SNAP29: variants seen among roughly 807,000 people sequenced by gnomAD.
SNAP29 encodes the protein synaptosomal-associated protein 29.
A neutral mutation model predicts 27.9 loss-of-function variants in SNAP29; 13 were observed. That is an observed-to-expected ratio of 0.47 (90% CI 0.30 to 0.74). The LOEUF (loss-of-function observed/expected upper bound fraction) is 0.74, where lower values mean the gene tolerates loss of function less well. Ranked by LOEUF, SNAP29 falls within the 30% of genes least tolerant of loss-of-function variation. SNAP29 has a pLI of 0.06. For missense variants in SNAP29, 368 were observed against 336.5 expected (o/e 1.09, Z -0.73); for synonymous variants, 119 against 127.1 (o/e 0.94, Z 0.43).
intron 1 of SNAP29, among the ~76,000 whole-genome samples, chr22:20,861,887 C>CCT (rs1301334779): frequency 6.6e-6 from 1 of 152,212 alleles, no homozygotes; most frequent in African/African-American, 2.4e-5. Context: ...CCTGCCTTGG[C>CCT]CTCCCAAAGT....
intron 2 of SNAP29, among the ~76,000 whole-genome samples, chr22:20,874,394 C>T (rs978281500): frequency 2.7e-5 from 3 of 111,626 alleles, no homozygotes; most frequent in African/African-American, 1.0e-4. Flanking sequence ...CACACACACA[C>T]ACGAAAATTA....
At chr22:20,867,834 C>G (rs1928496510) in intron 1 of SNAP29, among the ~76,000 whole-genome samples, 1 of 152,152 alleles carries the variant, frequency 6.6e-6, no homozygotes, top group Admixed American at 6.5e-5. Flanking sequence ...GGTAGCTCTC[C>G]AAATTGAGAT....
rs1457924247 is a variant in SNAP29, at chr22:20,865,478, C to T, written c.238-4859C>T. ...CTGGCTTCTCCTTCCTGGGCACATC[C>T]ACTCACAGCTGCCACATTGTCCCAA... On this transcript the variant is annotated intron_variant, in intron 1 of 4. Coordinates refer to ENST00000215730, the MANE Select transcript of SNAP29 (RefSeq NM_004782.4). Among the ~76,000 whole-genome samples the T allele has an allele frequency of 2.0e-5, 3 of 152,198 alleles. No homozygotes were observed. In the East Asian group the frequency reaches 5.8e-4, roughly 29 times the overall value.
At chr22:20,865,609 G>A (rs1245568287) in intron 1 of SNAP29, among the ~76,000 whole-genome samples, 1 of 152,198 alleles carries the variant, frequency 6.6e-6, no homozygotes, top group East Asian at 1.9e-4. Flanking sequence ...AGTGTTGTAG[G>A]GAGGTGTTTG....
chr22:20,874,371 A>AATTAGC (rs1928686388), intron 2 of SNAP29, among the ~76,000 whole-genome samples: 1 of 137,996 alleles, frequency 7.2e-6, no homozygotes, highest in African/African-American at 2.8e-5. Flanking sequence ...ACACACACAC[A>AATTAGC]CACACACACA....
intron 1 of SNAP29, among the ~76,000 whole-genome samples, chr22:20,859,940 G>C (rs1468490292): frequency 6.6e-6 from 1 of 152,050 alleles, no homozygotes; most frequent in Non-Finnish European, 1.5e-5. Flanking sequence ...TTGAGTCCAG[G>C]GTCTTACCTT....
rs529315048 is a variant in SNAP29 at position 20,878,136 on chromosome 22, A to G, written c.435-2913A>G. On this transcript the variant is annotated intron_variant, in intron 2 of 4. Coordinates refer to ENST00000215730, the MANE Select transcript of SNAP29 (RefSeq NM_004782.4). ...GAGTCATTAAAGACTTTAACTGAAGAGGTGCTTGCCAGTATTGCTTTAGAA... is the reference window on the plus strand; with the variant it reads ...GAGTCATTAAAGACTTTAACTGAAGGGGTGCTTGCCAGTATTGCTTTAGAA... Among the ~76,000 whole-genome samples the G allele has an allele frequency of 2.0e-5, 3 of 152,342 alleles. No individual in the cohort carries two copies. In the East Asian group the frequency reaches 5.8e-4, roughly 29 times the overall value.
chr22:20,871,482 T>TTAAAAAAAAAA (rs1928590128), intron 2 of SNAP29, among the ~76,000 whole-genome samples: 18 of 64,156 alleles, frequency 2.8e-4, no homozygotes, highest in African/African-American at 1.1e-3. Context: ...TCCCTGTCTC[T>TTAAAAAAAAAA]AAAAAAAAAA....
chr22:20,885,018 G>A lies in SNAP29; in HGVS notation c.619+1449G>A, dbSNP rs139812147. Among the ~76,000 whole-genome samples, 1,167 of 152,198 alleles carry A rather than the reference G, an allele frequency of 7.7e-3. 11 individuals carry two copies. Among genetic ancestry groups the A allele is most frequent in the East Asian group, 0.055 (284 of 5,176 alleles). On this transcript the variant is annotated intron_variant, in intron 4 of 4. Coordinates refer to ENST00000215730, the MANE Select transcript of SNAP29 (RefSeq NM_004782.4). ...TCGAACTCCCGACCTCAGGTGACCC[G>A]CCTGTCTCGGCCTCCCAAAGTGCTG...
At chr22:20,883,686 C>A in intron 4 of SNAP29, 117 bp downstream of exon 4, 1 of 741,130 alleles carries the variant, frequency 1.3e-6, no homozygotes. Flanking sequence ...ACATCACATC[C>A]CACGCCAAGC....
chr22:20,877,321 C>G (rs1323212905), intron 2 of SNAP29, among the ~76,000 whole-genome samples: 2 of 152,052 alleles, frequency 1.3e-5, no homozygotes, highest in African/African-American at 4.8e-5. Flanking sequence ...CTTTGGGAGG[C>G]CAAGGAGGGT....
chr22:20,860,094 GT>G (rs1361025800), intron 1 of SNAP29, among the ~76,000 whole-genome samples: 2 of 151,914 alleles, frequency 1.3e-5, no homozygotes, highest in African/African-American at 4.8e-5. Flanking sequence ...ACTCACGCCT[GT>G]AATCCCAGCA....
chr22:20,887,926 G>A lies in SNAP29; in HGVS notation c.*90G>A. 4.1e-6 allele frequency: 5 copies of A among 1,232,604 alleles called. No individual in the cohort carries two copies. The highest frequency in any genetic ancestry group is 1.5e-5 in the African/African-American group (1 of 66,734). The allele number at this position is 1,232,604 out of a possible 1,614,324, so 76.4% of individuals were successfully genotyped here. ...GAAATTTCATTTACTATTTTAGTAT[G>A]TAAATTAATGTGTGTTTGCAAATGT... On this transcript the variant is annotated 3_prime_UTR_variant, in exon 5 of 5. Transcript: ENST00000215730.
intron 2 of SNAP29, among the ~76,000 whole-genome samples, chr22:20,874,317 GACACACACAC>G (rs368789277): frequency 8.5e-6 from 1 of 118,116 alleles, no homozygotes; most frequent in South Asian, 2.7e-4. Context: ...GACACACACA[GACACACACAC>G]ACACACACAC....
At chr22:20,874,818 A>G (rs6004713) in intron 2 of SNAP29, among the ~76,000 whole-genome samples, 11 of 152,078 alleles carry the variant, frequency 7.2e-5, no homozygotes, top group African/African-American at 2.7e-4. Flanking sequence ...TATACATATC[A>G]GAAAGATGTT....
Position 20,891,168 on chromosome 22 carries a change from T to A in SNAP29, c.*3332T>A, listed in dbSNP as rs887778110. On this transcript the variant is annotated 3_prime_UTR_variant, in exon 5 of 5. Coordinates refer to ENST00000215730, the MANE Select transcript of SNAP29 (RefSeq NM_004782.4). ...TTTGCATTCTGTAGGAAATGAAACG[T>A]GAATTTAACTCGGGTTGCAAGAAAT... is the stretch of plus-strand genomic sequence containing the variant. 2.6e-5 allele frequency: 4 copies of A among 152,164 alleles called. No homozygotes were observed. Among genetic ancestry groups the A allele is most frequent in the Admixed American group, 2.6e-4 (4 of 15,268 alleles). 9.4% of individuals were successfully genotyped at this position (152,164 alleles called of 1,614,324 possible). A position where few individuals can be genotyped will look rare whatever the true frequency, so the allele number is the denominator to read the frequency against.
intron 2 of SNAP29, among the ~76,000 whole-genome samples, chr22:20,876,374 C>G (rs1373035354): frequency 6.7e-6 from 1 of 150,020 alleles, no homozygotes; most frequent in Non-Finnish European, 1.5e-5. Context: ...CCTCCCACCT[C>G]TGCCTCCCAA....
intron 2 of SNAP29, chr22:20,870,956 G>C (rs1928576650): frequency 3.3e-6 from 1 of 307,264 alleles, no homozygotes; most frequent in Non-Finnish European, 6.3e-6. Flanking sequence ...GGGCAACATA[G>C]TGGGAACCCA....
At chr22:20,879,004 A>G (rs1301275091) in intron 2 of SNAP29, among the ~76,000 whole-genome samples, 2 of 152,202 alleles carry the variant, frequency 1.3e-5, no homozygotes, top group Non-Finnish European at 2.9e-5. Context: ...TTTAGTGACA[A>G]AATTTAAAAT....
Sources: allele counts gnomAD v4.1 joint callset (sites outside exome capture counted in the v4.1 genomes callset), GRCh38; gene constraint gnomAD v4.1.1; transcripts MANE v1.5; gene names NCBI Gene and HGNC (gene_info 2026-07-23, HGNC 2026-07-21).